Variants in TRIML1 observed in about 807,000 individuals in gnomAD.
TRIML1 encodes the protein tripartite motif family like 1.
A neutral mutation model predicts 32.3 loss-of-function variants in TRIML1; 34 were observed. The ratio of observed to expected loss-of-function variants is 1.05; its 90% CI spans 0.80 to 1.40. The LOEUF is 1.40. Ranked by LOEUF, TRIML1 falls within the 40% of genes most tolerant of loss-of-function variation. The probability of loss-of-function intolerance (pLI) is 0.00; values close to 1 mark genes in which losing one functional copy is unlikely to be tolerated. For synonymous variants in TRIML1, 244 were observed against 226.6 expected, an observed-to-expected ratio of 1.08 and a Z score of -0.69; for missense variants, 595 against 574.9, an observed-to-expected ratio of 1.03 and a Z score of -0.36.
upstream of TRIML1, among the ~76,000 whole-genome samples, chr4:188,137,696 C>T (rs1160370641): frequency 1.3e-4 from 20 of 150,814 alleles, no homozygotes; most frequent in Non-Finnish European, 3.0e-4. Flanking sequence ...AGGCTGGTCT[C>T]GAACTCCCGA....
upstream of TRIML1, among the ~76,000 whole-genome samples, chr4:188,137,529 G>A (rs1283572251): frequency 6.8e-6 from 1 of 146,804 alleles, no homozygotes; most frequent in Non-Finnish European, 1.5e-5. Context: ...CCAGGCTGGA[G>A]TGCAATGGCG....
At chr4:188,141,385 C>G (rs919339372) in intron 2 of TRIML1, among the ~76,000 whole-genome samples, 1 of 151,800 alleles carries the variant, frequency 6.6e-6, no homozygotes, top group Non-Finnish European at 1.5e-5. Context: ...AGGCTGATCT[C>G]GAACTCCCGA....
downstream of TRIML1, among the ~76,000 whole-genome samples, chr4:188,150,371 C>A (rs903242292): frequency 3.9e-5 from 6 of 151,984 alleles, no homozygotes; most frequent in African/African-American, 1.4e-4. Context: ...TCAAGTGATC[C>A]ACCCGCCTCA....
chr4:188,137,916 C>CTTTTTTTT (rs1298700958), upstream of TRIML1, among the ~76,000 whole-genome samples: 11 of 131,516 alleles, frequency 8.4e-5, 1 homozygote, highest in Admixed American at 8.2e-5. Context: ...CCTGGCCAAA[C>CTTTTTTTT]TTTTTTTCTT....
At chr4:188,144,293 G>T (rs1734974988) in intron 5 of TRIML1, among the ~76,000 whole-genome samples, 160 bp downstream of exon 5, 1 of 152,030 alleles carries the variant, frequency 6.6e-6, no homozygotes, top group African/African-American at 2.4e-5. Flanking sequence ...GACCGTCTCT[G>T]AGCGTGAGCA....
At chr4:188,140,085 T>TTGGAATCAATGAATA in intron 1 of TRIML1, 119 bp downstream of exon 1, 2 of 1,059,014 alleles carry the variant, frequency 1.9e-6, no homozygotes, top group Non-Finnish European at 2.7e-6. Context: ...GAGCACCACA[T>TTGGAATCAATGAATA]CACAAACTGG....
upstream of TRIML1, chr4:188,139,357 T>C (rs905611160): frequency 3.8e-6 from 2 of 520,314 alleles, no homozygotes; most frequent in African/African-American, 3.8e-5. Context: ...TATACAGGAG[T>C]TCCACATTAA....
At position 188,139,765 on chromosome 4, in the gene TRIML1, G is replaced by A. The variant is rs747116336; in HGVS notation, c.207G>A (p.Glu69=). ...TLEGPHFQSN[E]RLGRLASIAR... is the part of the protein sequence containing the mutation. ...AGGGCCCGCATTTCCAGTCAAACGA[G>A]CGTCTGGGGAGGCTGGCCAGCATCG... Residue 69 remains glutamate, a synonymous_variant, in exon 1 of 6, where the codon GAG becomes GAA. Transcript: ENST00000332517. The A allele has an allele frequency of 2.5e-6, 4 of 1,613,828 alleles. No individual in the cohort carries two copies. The highest frequency in any genetic ancestry group is 4.5e-5 in the East Asian group (2 of 44,894).
intron 3 of TRIML1, chr4:188,143,633 G>A (rs1478550345): frequency 3.0e-6 from 2 of 666,346 alleles, no homozygotes; most frequent in Admixed American, 2.4e-5. Flanking sequence ...GTATTCTCTA[G>A]TCATTGTGAG....
At chr4:188,141,386 G>A (rs952203759) in intron 2 of TRIML1, among the ~76,000 whole-genome samples, 2 of 151,888 alleles carry the variant, frequency 1.3e-5, no homozygotes, top group African/African-American at 4.8e-5. Context: ...GGCTGATCTC[G>A]AACTCCCGAC....
At chr4:188,142,847 C>A in intron 3 of TRIML1, 1 of 190,520 alleles carries the variant, frequency 5.2e-6, no homozygotes, top group Admixed American at 5.6e-5. Context: ...AAGATAAGTA[C>A]CATTATGATA....
At position 188,147,275 on chromosome 4, in the gene TRIML1, T is replaced by C; in HGVS notation, c.1310T>C (p.Phe437Ser). ...ATCTACAGCTTCCCGCAGGCTTCTT[T>C]CCAAGAGGCCCTCAGGCCTATCTTT... Reference protein sequence around the residue: ...SLIYSFPQASFQEALRPIFSP... With the variant: ...SLIYSFPQASSQEALRPIFSP... Residue 437 changes from phenylalanine (F) to serine (S), a missense_variant, in exon 6 of 6, where the codon TTC becomes TCC. By Grantham distance (155) the Phe-to-Ser change is radical. Transcript: ENST00000332517. 3.2e-6 allele frequency: 5 copies of C among 1,580,516 alleles called. No individual in the cohort carries two copies. The highest frequency in any genetic ancestry group is 3.4e-6 in the Non-Finnish European group (4 of 1,163,548).
At position 188,140,558 on chromosome 4, in the gene TRIML1, C is replaced by G; in HGVS notation, c.439C>G (p.Arg147Gly). 1 of 1,613,798 alleles carries G rather than the reference C, an allele frequency of 6.2e-7. No homozygotes were observed. The highest frequency in any genetic ancestry group is 1.7e-4 in the Middle Eastern group (1 of 6,060). ...ACTCCAGGAAATCCTGAATCTTTTG[C>G]GTGTAAGGAGAAAGGAAGCTCAGGC... ...EKLQEILNLL[R>G]VRRKEAQAVL... Residue 147 changes from arginine (R) to glycine (G), a missense_variant, in exon 2 of 6, where the codon CGT becomes GGT. Arg to Gly is a moderately radical substitution (Grantham distance 125). Coordinates refer to ENST00000332517, the MANE Select transcript of TRIML1 (RefSeq NM_178556.5).
chr4:188,144,402 T>G (rs1280731999), intron 5 of TRIML1, among the ~76,000 whole-genome samples: 5 of 150,340 alleles, frequency 3.3e-5, no homozygotes, highest in Non-Finnish European at 5.9e-5. Context: ...TCACTCCGTG[T>G]CCCGGGCTGG....
chr4:188,145,477 GT>G (rs1735040802), intron 5 of TRIML1, among the ~76,000 whole-genome samples: 1 of 67,144 alleles, frequency 1.5e-5, no homozygotes, highest in African/African-American at 5.8e-5. Context: ...AAAAAAAAAA[GT>G]CAGAAATGGA....
In TRIML1 at chr4:188,139,758, C is replaced by G. The variant is rs758737063; in HGVS notation, c.200C>G (p.Ser67Ter). The change falls in exon 1 of 6, where the codon TCA (serine) becomes TGA (stop). Residue 67 changes from serine to a stop codon, truncating the protein, a stop_gained. Transcript: ENST00000332517. LOFTEE classifies it high-confidence loss of function. Reference sequence around the variant, plus strand: ...ACCTTGGAGGGCCCGCATTTCCAGTCAAACGAGCGTCTGGGGAGGCTGGCC... The same window carrying G: ...ACCTTGGAGGGCCCGCATTTCCAGTGAAACGAGCGTCTGGGGAGGCTGGCC... ...WRTLEGPHFQ[S>*]NERLGRLASI... 1.4e-4 allele frequency: 223 copies of G among 1,613,964 alleles called. 1 individual carries two copies. In the South Asian group the frequency reaches 2.3e-3, roughly 16 times the overall value.
At chr4:188,141,052 G>C (rs780315615) in intron 2 of TRIML1, among the ~76,000 whole-genome samples, 4 of 151,978 alleles carry the variant, frequency 2.6e-5, no homozygotes, top group Non-Finnish European at 4.4e-5. Flanking sequence ...AGTCCTCAAG[G>C]TTGGTCACGG....
At chr4:188,142,650 G>GAA (rs201274469) in intron 3 of TRIML1, among the ~76,000 whole-genome samples, 168 bp downstream of exon 3, 30 of 146,906 alleles carry the variant, frequency 2.0e-4, no homozygotes, top group African/African-American at 6.9e-4. Context: ...TTATAGAAGA[G>GAA]AGAGAGAGAG....
At position 188,139,986 on chromosome 4, in the gene TRIML1, T is replaced by A; in HGVS notation, c.408+20T>A. 1 of 1,580,252 alleles carries A rather than the reference T, an allele frequency of 6.3e-7. No individual in the cohort carries two copies. Among genetic ancestry groups the A allele is most frequent in the South Asian group, 1.2e-5 (1 of 86,026 alleles). Reference sequence around the variant, plus strand: ...CACAGAGTAAGACAGCTGCTCAGCATGAACCCCACGACTCATCGCAGCTAA... The same window carrying A: ...CACAGAGTAAGACAGCTGCTCAGCAAGAACCCCACGACTCATCGCAGCTAA... On this transcript the variant is annotated intron_variant, in intron 1 of 5. Transcript: ENST00000332517.
Sources: gnomAD v4.1 joint callset for allele counts (sites outside exome capture counted in the v4.1 genomes callset) on GRCh38, gnomAD v4.1.1 for gene constraint, MANE v1.5 for transcripts, NCBI Gene and HGNC (gene_info 2026-07-23, HGNC 2026-07-21) for gene names.